Variants in SOX5 observed in about 807,000 individuals in gnomAD.
SOX5 encodes SRY-box transcription factor 5, also known as transcription factor SOX-5.
A neutral mutation model predicts 92.0 loss-of-function variants in SOX5; 9 were observed. The ratio of observed to expected loss-of-function variants is 0.10; its 90% CI spans 0.06 to 0.17. SOX5 has a LOEUF of 0.17. Among genes scored for constraint, SOX5 ranks in the 10% least tolerant of loss-of-function variants. SOX5 has a pLI of 1.00. For missense variants in SOX5, 642 were observed against 944.5 expected (o/e 0.68, Z 4.20); for synonymous variants, 344 against 336.3 (o/e 1.02, Z -0.25).
chr12:23,760,697 T>C (rs2094539110), intron 3 of SOX5, among the ~76,000 whole-genome samples: 1 of 152,074 alleles, frequency 6.6e-6, no homozygotes, highest in Non-Finnish European at 1.5e-5. Context: ...TCACTCCTTT[T>C]TCCCTTCAGT....
At chr12:23,822,772 T>A (rs563782324) in intron 3 of SOX5, among the ~76,000 whole-genome samples, 1 of 152,324 alleles carries the variant, frequency 6.6e-6, no homozygotes, top group East Asian at 1.9e-4. Flanking sequence ...AGTCTCTTTG[T>A]GGGTCTCTAA....
At chr12:24,001,414 G>T (rs1244169820) in intron 4 of SOX5, among the ~76,000 whole-genome samples, 1 of 151,976 alleles carries the variant, frequency 6.6e-6, no homozygotes, top group Admixed American at 6.6e-5. Context: ...AATCTAAATG[G>T]ATTTAAATTA....
chr12:23,787,827 C>T (rs1212298621), intron 3 of SOX5, among the ~76,000 whole-genome samples: 2 of 151,800 alleles, frequency 1.3e-5, no homozygotes, highest in Admixed American at 6.6e-5. Context: ...ATTCATGACA[C>T]TGTAGTTACA....
intron 1 of SOX5, among the ~76,000 whole-genome samples, chr12:24,477,386 G>A (rs1438736208): frequency 6.6e-6 from 1 of 151,866 alleles, no homozygotes; most frequent in Non-Finnish European, 1.5e-5. Context: ...CACCCACCTC[G>A]GCCTCCCAAA....
intron 3 of SOX5, among the ~76,000 whole-genome samples, chr12:23,802,494 ATT>A (rs11313604): frequency 4.0e-5 from 6 of 148,500 alleles, no homozygotes; most frequent in Non-Finnish European, 6.0e-5. Context: ...ATTCGTTGTA[ATT>A]TTTTTTTTTA....
chr12:24,190,482 T>C (rs1956415812), intron 4 of SOX5, among the ~76,000 whole-genome samples: 1 of 152,212 alleles, frequency 6.6e-6, no homozygotes, highest in Non-Finnish European at 1.5e-5. Flanking sequence ...TTTTCCTATA[T>C]GATGGAACTG....
In SOX5 at chr12:23,552,238, T is replaced by C. The variant is rs149190260; in HGVS notation, c.1489-5814A>G. Among the ~76,000 whole-genome samples the C allele has an allele frequency of 2.6e-3, 393 of 152,004 alleles. 1 individual carries two copies. The highest frequency in any genetic ancestry group is 8.9e-3 in the African/African-American group (368 of 41,534). On this transcript the variant is annotated intron_variant, in intron 11 of 14. Transcript: ENST00000451604. ...CACTTAATGTATACTCCAGAAAAGA[T>C]GGGGCTACCTATAAAGATTAGTTCA...
chr12:24,417,829 G>T (rs1462665684), intron 1 of SOX5, among the ~76,000 whole-genome samples: 1 of 152,126 alleles, frequency 6.6e-6, no homozygotes, highest in Non-Finnish European at 1.5e-5. Context: ...GGAACACAGG[G>T]TATATGAGAA....
chr12:24,206,534 G>C (rs982540878), intron 4 of SOX5, among the ~76,000 whole-genome samples: 3 of 152,150 alleles, frequency 2.0e-5, no homozygotes, highest in Admixed American at 6.5e-5. Flanking sequence ...AGGAAAGCTT[G>C]TAATTACGCT....
chr12:23,898,184 T>G (rs1334655454), intron 1 of SOX5, among the ~76,000 whole-genome samples: 1 of 152,232 alleles, frequency 6.6e-6, no homozygotes, highest in Non-Finnish European at 1.5e-5. Flanking sequence ...AAGGTCTTTG[T>G]GAAGTGATTT....
At chr12:23,574,862 A>G (rs1384842238) in intron 10 of SOX5, among the ~76,000 whole-genome samples, 1 of 152,152 alleles carries the variant, frequency 6.6e-6, no homozygotes, top group East Asian at 1.9e-4. Flanking sequence ...TCCTTCCCAG[A>G]CAGAATCCAA....
At chr12:23,920,633 ACC>A (rs1937920284) in intron 1 of SOX5, 1 of 152,174 alleles carries the variant, frequency 6.6e-6, no homozygotes. Flanking sequence ...AAACAAGAAT[ACC>A]ATTGCTTTTA....
chr12:23,722,863 A>C (rs2140605877), intron 6 of SOX5, among the ~76,000 whole-genome samples: 1 of 152,262 alleles, frequency 6.6e-6, no homozygotes, highest in East Asian at 1.9e-4. Flanking sequence ...TTGTGTACAA[A>C]GCGCAATCAG....
chr12:23,536,805 G>A (rs1354406815), intron 13 of SOX5, 136 bp from the exon 14 acceptor site: 11 of 674,932 alleles, frequency 1.6e-5, no homozygotes, highest in Middle Eastern at 7.6e-4. Context: ...TTTTTGATTA[G>A]TGAGATCCCA....
chr12:23,884,552 A>C (rs374413918), intron 2 of SOX5, among the ~76,000 whole-genome samples: 5 of 152,300 alleles, frequency 3.3e-5, no homozygotes, highest in Non-Finnish European at 5.9e-5. Flanking sequence ...AAATCAAGTA[A>C]AGATTGTTCT....
chr12:23,747,772 G>A (rs2094040158), intron 4 of SOX5, among the ~76,000 whole-genome samples: 1 of 151,982 alleles, frequency 6.6e-6, no homozygotes, highest in Non-Finnish European at 1.5e-5. Flanking sequence ...TCCAGACATT[G>A]TCAAATTCCT....
At chr12:23,912,679 C>CAT (rs2097364296) in intron 1 of SOX5, among the ~76,000 whole-genome samples, 1 of 152,150 alleles carries the variant, frequency 6.6e-6, no homozygotes, top group South Asian at 2.1e-4. Context: ...AGTACTGATA[C>CAT]ATGCTACAAA....
intron 1 of SOX5, among the ~76,000 whole-genome samples, chr12:24,372,198 A>G (rs1956807354): frequency 6.6e-6 from 1 of 152,112 alleles, no homozygotes; most frequent in Non-Finnish European, 1.5e-5. Flanking sequence ...GGTTTGTTAC[A>G]TAGTTATACA....
At chr12:24,531,919 C>G (rs1001994110) in intron 1 of SOX5, among the ~76,000 whole-genome samples, 2 of 152,176 alleles carry the variant, frequency 1.3e-5, no homozygotes, top group Admixed American at 6.5e-5. Context: ...TTTCAGTCGT[C>G]GGACCTCAAG....
Sources: allele counts gnomAD v4.1 joint callset (sites outside exome capture counted in the v4.1 genomes callset), GRCh38; gene constraint gnomAD v4.1.1; transcripts MANE v1.5; gene names NCBI Gene and HGNC (gene_info 2026-07-23, HGNC 2026-07-21).